Variants in CCDC181 observed in about 807,000 individuals in gnomAD.
The protein encoded by CCDC181 is coiled-coil domain-containing protein 181.
Under a neutral mutation model 58.7 loss-of-function variants are expected in CCDC181, and 35 were observed. The ratio of observed to expected loss-of-function variants is 0.60; its 90% CI spans 0.46 to 0.79. The LOEUF (loss-of-function observed/expected upper bound fraction) is 0.79, where lower values mean the gene tolerates loss of function less well. Ranked by LOEUF, CCDC181 falls within the 30% of genes least tolerant of loss-of-function variation. CCDC181 has a pLI of 0.00. For missense variants in CCDC181, 517 were observed against 583.9 expected (o/e 0.89, Z 1.18); for synonymous variants, 183 against 197.5 (o/e 0.93, Z 0.62).
chr1:169,450,879 C>A (rs556974833), intron 2 of CCDC181, among the ~76,000 whole-genome samples: 1 of 152,100 alleles, frequency 6.6e-6, no homozygotes, highest in Non-Finnish European at 1.5e-5. Context: ...TTGCTTTTCC[C>A]GAATGACAAA....
upstream of CCDC181, among the ~76,000 whole-genome samples, chr1:169,428,983 G>GTA (rs1389036729): frequency 6.6e-6 from 1 of 152,148 alleles, no homozygotes. Context: ...AAAGTCCACT[G>GTA]TATCATCTTT....
At chr1:169,397,163 T>C in intron 5 of CCDC181, 74 bp downstream of exon 5, 1 of 1,339,898 alleles carries the variant, frequency 7.5e-7, no homozygotes, top group Non-Finnish European at 9.9e-7. Context: ...TTTTTTCCAA[T>C]CTTAATTGAT....
intron 2 of CCDC181, among the ~76,000 whole-genome samples, chr1:169,422,799 T>A (rs545655724): frequency 6.6e-6 from 1 of 152,020 alleles, no homozygotes; most frequent in South Asian, 2.1e-4. Flanking sequence ...ACTATTATTA[T>A]CACTATAATC....
At chr1:169,417,363 A>G (rs1462460345) in intron 4 of CCDC181, among the ~76,000 whole-genome samples, 3 of 152,178 alleles carry the variant, frequency 2.0e-5, no homozygotes, top group African/African-American at 7.2e-5. Context: ...AATTTGCTAG[A>G]GCAACTCACA....
At chr1:169,443,267 T>C (rs1657285094) in intron 2 of CCDC181, 1 of 152,080 alleles carries the variant, frequency 6.6e-6, no homozygotes, top group African/African-American at 2.4e-5. Context: ...ATTTGTTTAG[T>C]AGATTTTTAC....
chr1:169,438,663 A>G (rs1657121308), intron 2 of CCDC181, among the ~76,000 whole-genome samples: 1 of 152,000 alleles, frequency 6.6e-6, no homozygotes, highest in Admixed American at 6.6e-5. Context: ...TCTTTGATCC[A>G]CTCCAGATGG....
At chr1:169,437,324 A>T (rs1657085694) in intron 2 of CCDC181, among the ~76,000 whole-genome samples, 1 of 152,210 alleles carries the variant, frequency 6.6e-6, no homozygotes, top group South Asian at 2.1e-4. Flanking sequence ...TAGCTGCATG[A>T]TTCCTAAACC....
At chr1:169,459,626 AG>A (rs1160413696) in intron 2 of CCDC181, among the ~76,000 whole-genome samples, 1 of 152,170 alleles carries the variant, frequency 6.6e-6, no homozygotes, top group African/African-American at 2.4e-5. Flanking sequence ...GTTAATTACA[AG>A]GGTTGGAGAT....
At position 169,416,516 on chromosome 1, in the gene CCDC181, A is replaced by G. The variant is rs899752446; in HGVS notation, c.1215+2497T>C. On this transcript the variant is annotated intron_variant, in intron 4 of 5. Transcript: ENST00000367806. The stretch of plus-strand genomic sequence containing the variant: ...CCAGAATACAGTTATTTAATATAGA[A>G]CCTTACATGTTTCTGATTGTAACAG... 2.0e-5 allele frequency among the ~76,000 whole-genome samples: 3 copies of G among 152,178 alleles called. No homozygotes were observed. In the East Asian group the frequency reaches 5.8e-4, roughly 29 times the overall value.
intron 3 of CCDC181, 62 bp downstream of exon 3, chr1:169,421,301 T>C (rs1656440859): frequency 2.4e-6 from 3 of 1,244,462 alleles, no homozygotes; most frequent in African/African-American, 3.0e-5. Context: ...TTAATTCCCA[T>C]TGCATTTATA....
chr1:169,423,944 A>T (rs893097208), intron 2 of CCDC181, among the ~76,000 whole-genome samples: 13 of 152,010 alleles, frequency 8.6e-5, no homozygotes, highest in African/African-American at 3.1e-4. Context: ...GGAACTAAGA[A>T]ATCTGTAATA....
At chr1:169,418,890 T>C in intron 4 of CCDC181, 123 bp downstream of exon 4, 1 of 690,576 alleles carries the variant, frequency 1.4e-6, no homozygotes, top group South Asian at 1.9e-5. Flanking sequence ...TTTGCAAGGG[T>C]AGTTCTTGAA....
chr1:169,401,434 C>A (rs1266300336), intron 4 of CCDC181, among the ~76,000 whole-genome samples: 1 of 152,188 alleles, frequency 6.6e-6, no homozygotes, highest in East Asian at 1.9e-4. Flanking sequence ...CAGCCGGGTG[C>A]CCCTCTGAGA....
At chr1:169,446,561 C>T (rs1657383664) in intron 2 of CCDC181, among the ~76,000 whole-genome samples, 2 of 152,182 alleles carry the variant, frequency 1.3e-5, no homozygotes, top group South Asian at 4.1e-4. Context: ...CCTCCATATA[C>T]CCATGGGTTC....
At chr1:169,433,504 G>T (rs1571505554) in intron 2 of CCDC181, among the ~76,000 whole-genome samples, 1 of 151,944 alleles carries the variant, frequency 6.6e-6, no homozygotes, top group Non-Finnish European at 1.5e-5. Flanking sequence ...AACAAAGTTG[G>T]AGCACTAATA....
chr1:169,403,049 A>G (rs551310888), intron 4 of CCDC181, among the ~76,000 whole-genome samples: 1 of 152,032 alleles, frequency 6.6e-6, no homozygotes, highest in South Asian at 2.1e-4. Context: ...ACCAACAAAG[A>G]TCAAAAGATA....
In CCDC181 at chr1:169,440,931, T is replaced by TAAAAAAA. The variant is rs72040890; in HGVS notation, c.-23-15988_-23-15982dup. ...GCCCAGGCAACAGAGCAAGACTGTC[T>TAAAAAAA]AAAAAAAAAAAAAAGGCAAGATGAG... On this transcript the variant is annotated intron_variant, in intron 2 of 6. Transcript: ENST00000545005. 1.3e-4 allele frequency among the ~76,000 whole-genome samples: 10 copies of TAAAAAAA among 76,902 alleles called. 1 individual carries two copies. The highest frequency in any genetic ancestry group is 3.2e-4 in the African/African-American group (6 of 18,840). The allele number at this position is 76,902 out of a possible 152,430, so 50.5% of individuals were successfully genotyped here.
At chr1:169,398,353 T>C (rs962872509) in intron 4 of CCDC181, among the ~76,000 whole-genome samples, 1 of 152,198 alleles carries the variant, frequency 6.6e-6, no homozygotes, top group African/African-American at 2.4e-5. Flanking sequence ...AATTACACAA[T>C]GTGTACATGT....
At chr1:169,441,771 T>G (rs1657235530) in intron 2 of CCDC181, among the ~76,000 whole-genome samples, 1 of 151,856 alleles carries the variant, frequency 6.6e-6, no homozygotes, top group Non-Finnish European at 1.5e-5. Flanking sequence ...CTATAGGCAT[T>G]GAAAAATGTA....
Sources: allele counts gnomAD v4.1 joint callset (sites outside exome capture counted in the v4.1 genomes callset), GRCh38; gene constraint gnomAD v4.1.1; transcripts MANE v1.5; gene names NCBI Gene and HGNC (gene_info 2026-07-23, HGNC 2026-07-21).